The following TSHZ2 variants were observed in gnomAD, a reference collection of about 807,000 sequenced individuals.
TSHZ2 encodes teashirt zinc finger homeobox 2, also known as teashirt homolog 2.
A neutral mutation model predicts 74.4 loss-of-function variants in TSHZ2; 21 were observed. The ratio of observed to expected loss-of-function variants is 0.28; its 90% CI spans 0.20 to 0.41. The LOEUF (loss-of-function observed/expected upper bound fraction) is 0.41. Ranked by LOEUF, TSHZ2 falls within the 10% of genes least tolerant of loss-of-function variation. TSHZ2 has a pLI of 1.00. For synonymous variants in TSHZ2, 540 were observed against 515.3 expected, an observed-to-expected ratio of 1.05 and a Z score of -0.65; for missense variants, 1,244 against 1,293.5, an observed-to-expected ratio of 0.96 and a Z score of 0.59.
intron 2 of TSHZ2, among the ~76,000 whole-genome samples, chr20:53,287,273 G>T (rs10485449): frequency 0.041 from 6,246 of 151,428 alleles, 434 homozygotes; most frequent in African/African-American, 0.15. Context: ...CATTTGAATT[G>T]TCTGTTCTCT....
intron 2 of TSHZ2, among the ~76,000 whole-genome samples, chr20:53,463,106 T>G (rs901613519): frequency 6.6e-6 from 1 of 152,236 alleles, no homozygotes; most frequent in African/African-American, 2.4e-5. Flanking sequence ...TCAAAGGTCT[T>G]GTACAACTAG....
At chr20:53,246,040 C>CTTTTTTTTTT (rs57243805) in intron 1 of TSHZ2, among the ~76,000 whole-genome samples, 33 of 130,618 alleles carry the variant, frequency 2.5e-4, no homozygotes, top group Non-Finnish European at 3.7e-4. Flanking sequence ...TTCTTTCTTT[C>CTTTTTTTTTT]TTTTTTTTTT....
intron 1 of TSHZ2, among the ~76,000 whole-genome samples, chr20:53,080,815 A>AT (rs1985511184): frequency 6.6e-6 from 1 of 152,102 alleles, no homozygotes; most frequent in Admixed American, 6.5e-5. Flanking sequence ...GAGTCGTATC[A>AT]TTTTTGTTGA....
chr20:53,050,156 C>CATATATATATGTACATATATACACAT (rs11473079), intron 1 of TSHZ2, among the ~76,000 whole-genome samples: 1 of 126,606 alleles, frequency 7.9e-6, no homozygotes, highest in African/African-American at 3.5e-5. Flanking sequence ...TATATATACA[C>CATATATATATGTACATATATACACAT]ATATATATGT....
chr20:53,038,062 C>G (rs1005183142), intron 1 of TSHZ2, among the ~76,000 whole-genome samples: 37 of 151,754 alleles, frequency 2.4e-4, no homozygotes, highest in African/African-American at 8.5e-4. Flanking sequence ...GGGGAGGGAA[C>G]GACAGCCTGC....
intron 1 of TSHZ2, among the ~76,000 whole-genome samples, chr20:53,129,786 C>G (rs941041847): frequency 1.3e-5 from 2 of 151,942 alleles, no homozygotes; most frequent in African/African-American, 4.8e-5. Context: ...GCTTAACCTT[C>G]GGTTGGATGA....
chr20:53,048,188 T>C (rs1191889285), intron 1 of TSHZ2, among the ~76,000 whole-genome samples: 1 of 152,000 alleles, frequency 6.6e-6, no homozygotes, highest in Non-Finnish European at 1.5e-5. Flanking sequence ...AGCCCCAGGG[T>C]AGAGCCGATC....
In TSHZ2 at chr20:53,485,708, CA is replaced by C. The variant is rs11480327; in HGVS notation, c.*9-1425del. ...TGGGTGACAGAGCAAGGCTCCAGCA[CA>C]AAAAAAAAAAGCATGGGAAAAGAAA... On this transcript the variant is annotated intron_variant, in intron 2 of 2. Transcript: ENST00000371497. Among the ~76,000 whole-genome samples, 318 of 124,602 alleles carry C rather than the reference CA, an allele frequency of 2.6e-3. 3 individuals carry two copies. Among genetic ancestry groups the C allele is most frequent in the African/African-American group, 7.5e-3 (263 of 35,012 alleles). 81.7% of individuals were successfully genotyped at this position (124,602 alleles called of 152,430 possible). A position where few individuals can be genotyped will look rare whatever the true frequency, so the allele number is the denominator to read the frequency against.
intron 2 of TSHZ2, among the ~76,000 whole-genome samples, chr20:53,387,365 T>C (rs1400526035): frequency 6.6e-6 from 1 of 152,256 alleles, no homozygotes; most frequent in South Asian, 2.1e-4. Context: ...AGATCTGTTT[T>C]ATTTTCCCTT....
intron 1 of TSHZ2, among the ~76,000 whole-genome samples, chr20:52,995,611 C>CT (rs11469115): frequency 0.024 from 3,211 of 136,008 alleles, 61 homozygotes; most frequent in Middle Eastern, 0.046. Flanking sequence ...TTTTTCTTTC[C>CT]TTTTTTTTTT....
chr20:53,384,581 CTTCAGCAAGGGGCTTGACCTCTT>C (rs1981977190), intron 2 of TSHZ2, among the ~76,000 whole-genome samples: 1 of 152,144 alleles, frequency 6.6e-6, no homozygotes, highest in Non-Finnish European at 1.5e-5. Flanking sequence ...AGCTGTGTGA[CTTCAGCAAGGGGCTTGACCTCTT>C]TGGGCCTGTG....
intron 2 of TSHZ2, among the ~76,000 whole-genome samples, chr20:53,274,731 C>T (rs1237337484): frequency 3.9e-5 from 6 of 152,222 alleles, no homozygotes; most frequent in East Asian, 1.9e-4. Flanking sequence ...AATTATCTCA[C>T]GCATCACACA....
In TSHZ2 at chr20:52,988,715, T is replaced by C. The variant is rs16997392; in HGVS notation, c.40+15382T>C. 7.9e-3 allele frequency among the ~76,000 whole-genome samples: 1,210 copies of C among 152,312 alleles called. 23 individuals are homozygous for C. The highest frequency in any genetic ancestry group is 0.028 in the African/African-American group (1,146 of 41,564). The stretch of plus-strand genomic sequence containing the variant: ...CTTATGCTATCCATGATGGCATTTT[T>C]GTAAATCCATTCCTGTTTCACTAAA... On this transcript the variant is annotated intron_variant, in intron 1 of 2. Coordinates refer to ENST00000371497, the MANE Select transcript of TSHZ2 (RefSeq NM_173485.6).
intron 1 of TSHZ2, among the ~76,000 whole-genome samples, chr20:53,008,355 A>G (rs1009883144): frequency 5.9e-5 from 9 of 152,176 alleles, no homozygotes; most frequent in Admixed American, 2.0e-4. Flanking sequence ...CAGAGCAGTT[A>G]TTGGAATAAT....
intron 1 of TSHZ2, among the ~76,000 whole-genome samples, chr20:53,142,356 G>A (rs1156802117): frequency 6.6e-6 from 1 of 152,126 alleles, no homozygotes; most frequent in Non-Finnish European, 1.5e-5. Flanking sequence ...AGAACAGAAG[G>A]CCACGTGCTT....
intron 2 of TSHZ2, among the ~76,000 whole-genome samples, chr20:53,416,095 C>T (rs1983244808): frequency 6.6e-6 from 1 of 152,102 alleles, no homozygotes; most frequent in Non-Finnish European, 1.5e-5. Flanking sequence ...ACGTGAAGGG[C>T]AGGTGGGTGG....
chr20:53,049,497 C>T (rs981820609), intron 1 of TSHZ2, among the ~76,000 whole-genome samples: 2 of 152,100 alleles, frequency 1.3e-5, no homozygotes, highest in Admixed American at 1.3e-4. Context: ...TCCCCAGTGA[C>T]GTAGGGAGTC....
In TSHZ2 at chr20:53,365,066, G is replaced by C. The variant is rs1265456156; in HGVS notation, c.*8+108495G>C. ...GTGTGCAGAAACCATTCTTGAGACA[G>C]GGGGATCATTGGTCTGCCCATTACT... is the stretch of plus-strand genomic sequence containing the variant. On this transcript the variant is annotated intron_variant, in intron 2 of 2. Transcript: ENST00000371497. 2.6e-5 allele frequency among the ~76,000 whole-genome samples: 4 copies of C among 152,348 alleles called. No homozygotes were observed. In the East Asian group the frequency reaches 7.7e-4, roughly 29 times the overall value.
At chr20:53,202,252 G>C (rs1052699452) in intron 1 of TSHZ2, among the ~76,000 whole-genome samples, 1 of 152,138 alleles carries the variant, frequency 6.6e-6, no homozygotes, top group African/African-American at 2.4e-5. Flanking sequence ...TATAATTATA[G>C]TCTCACTACA....
Sources: allele counts gnomAD v4.1 joint callset (sites outside exome capture counted in the v4.1 genomes callset), GRCh38; gene constraint gnomAD v4.1.1; transcripts MANE v1.5; gene names NCBI Gene and HGNC (gene_info 2026-07-23, HGNC 2026-07-21).